The following FRMD4A variants were observed in gnomAD, a reference collection of about 807,000 sequenced individuals.
The protein encoded by FRMD4A is FERM domain containing 4A.
FRMD4A carries 29 observed loss-of-function variants against 129.1 expected under a neutral mutation model. That is an observed-to-expected ratio of 0.22 (90% CI 0.17 to 0.31). The LOEUF (loss-of-function observed/expected upper bound fraction) is 0.31, where lower values mean the gene tolerates loss of function less well. FRMD4A is among the 10% of genes least tolerant of loss of function. The pLI, the probability that FRMD4A is intolerant of heterozygous loss-of-function variation, is 1.00. For synonymous variants in FRMD4A, 634 were observed against 571.6 expected (o/e 1.11, Z -1.56); for missense variants, 1,272 against 1,375.8 (o/e 0.92, Z 1.19).
chr10:14,062,851 A>C (rs1834877875), intron 2 of FRMD4A, among the ~76,000 whole-genome samples: 1 of 152,144 alleles, frequency 6.6e-6, no homozygotes, highest in African/African-American at 2.4e-5. Flanking sequence ...ATGCCATTGC[A>C]CTCCAGTGAA....
In FRMD4A at chr10:13,959,515, T is replaced by TTTC. The variant is rs1220722124; in HGVS notation, c.46-100604_46-100603insGAA. 2.7e-5 allele frequency among the ~76,000 whole-genome samples: 4 copies of TTTC among 147,446 alleles called. 1 individual carries two copies. The highest frequency in any genetic ancestry group is 4.5e-5 in the Non-Finnish European group (3 of 67,220). On this transcript the variant is annotated intron_variant, in intron 2 of 24. Coordinates refer to ENST00000357447, the MANE Select transcript of FRMD4A (RefSeq NM_018027.5). ...AAAAAAAAAAGCTGTGAGTGATTTT[T>TTTC]TTTTTTAGATTTGTAATCATCAGGT...
rs1388723812 is a variant in FRMD4A, at chr10:14,073,811, A to T, written c.46-214899T>A. ...GTTGCCCTGTATAAATTGGGTCACC[A>T]AAAGTTCCTTTTAAATTTTGCATAG... On this transcript the variant is annotated intron_variant, in intron 2 of 24. Coordinates refer to ENST00000357447, the MANE Select transcript of FRMD4A (RefSeq NM_018027.5). 2.0e-5 allele frequency among the ~76,000 whole-genome samples: 3 copies of T among 152,196 alleles called. No individual in the cohort carries two copies. In the East Asian group the frequency reaches 5.8e-4, roughly 29 times the overall value.
chr10:14,213,045 G>A (rs1410362941), intron 2 of FRMD4A, among the ~76,000 whole-genome samples: 2 of 151,996 alleles, frequency 1.3e-5, no homozygotes, highest in Admixed American at 6.6e-5. Flanking sequence ...GAAACCAGCT[G>A]TGGCAACGTA....
Position 13,645,057 on chromosome 10 carries a change from C to T in FRMD4A, c.*1981G>A, listed in dbSNP as rs941042087. On this transcript the variant is annotated 3_prime_UTR_variant, in exon 25 of 25. Transcript: ENST00000357447. ...GAGGAGGCCACGGCCCGCCTTGTCC[C>T]TGCCGGGTCCCGGCCAGGTGTGTGT... 2.0e-5 allele frequency: 3 copies of T among 152,022 alleles called. No individual in the cohort carries two copies. The highest frequency in any genetic ancestry group is 4.4e-5 in the Non-Finnish European group (3 of 68,094). 9.4% of individuals were successfully genotyped at this position (152,022 alleles called of 1,614,324 possible).
intron 2 of FRMD4A, among the ~76,000 whole-genome samples, chr10:13,862,088 G>A (rs1448917515): frequency 1.3e-5 from 2 of 152,120 alleles, no homozygotes; most frequent in Admixed American, 1.3e-4. Flanking sequence ...AGAAAGTTAT[G>A]TTAAATTCTT....
intron 2 of FRMD4A, among the ~76,000 whole-genome samples, chr10:14,180,991 C>T (rs1841894372): frequency 6.6e-6 from 1 of 152,208 alleles, no homozygotes; most frequent in African/African-American, 2.4e-5. Context: ...GTCATCTCGT[C>T]TTTATGATCT....
At chr10:13,938,045 G>C (rs2095262240) in intron 2 of FRMD4A, among the ~76,000 whole-genome samples, 2 of 152,136 alleles carry the variant, frequency 1.3e-5, no homozygotes, top group Admixed American at 1.3e-4. Context: ...TAAAAAGTCT[G>C]AAAAAGGAAT....
intron 2 of FRMD4A, among the ~76,000 whole-genome samples, chr10:14,179,489 C>T (rs369730545): frequency 5.3e-5 from 8 of 152,216 alleles, no homozygotes; most frequent in African/African-American, 1.9e-4. Context: ...CCCCCTTTTT[C>T]TCTCTGCCTC....
At chr10:13,672,286 G>GGTTTTTTC (rs1486629534) in intron 16 of FRMD4A, among the ~76,000 whole-genome samples, 1 of 151,266 alleles carries the variant, frequency 6.6e-6, no homozygotes, top group Non-Finnish European at 1.5e-5. Context: ...TTTCTTCCCT[G>GGTTTTTTC]GTTTTTTCTT....
Position 13,784,449 on chromosome 10 carries a change from C to T in FRMD4A, c.300-1443G>A, listed in dbSNP as rs181194768. Among the ~76,000 whole-genome samples the T allele has an allele frequency of 5.6e-3, 853 of 152,280 alleles. 7 individuals are homozygous for T. The highest frequency in any genetic ancestry group is 0.014 in the Middle Eastern group (4 of 294). ...ATCGTATAAGGTGAACAAACTGATGCCCTTAGCTTCAAGAAGTTCTATTCA... is the reference window on the plus strand; with the variant it reads ...ATCGTATAAGGTGAACAAACTGATGTCCTTAGCTTCAAGAAGTTCTATTCA... On this transcript the variant is annotated intron_variant, in intron 5 of 24. Coordinates refer to ENST00000357447, the MANE Select transcript of FRMD4A (RefSeq NM_018027.5).
intron 15 of FRMD4A, among the ~76,000 whole-genome samples, chr10:13,689,198 C>CGGGGGGGTGGGGG (rs2085398998): frequency 2.9e-5 from 2 of 68,016 alleles, no homozygotes; most frequent in Admixed American, 2.0e-4. Context: ...AAACTCTTTG[C>CGGGGGGGTGGGGG]GGGGGGGGGG....
intron 2 of FRMD4A, among the ~76,000 whole-genome samples, chr10:14,131,793 C>G (rs1726537319): frequency 1.3e-5 from 2 of 152,132 alleles, no homozygotes; most frequent in Non-Finnish European, 2.9e-5. Flanking sequence ...TCCGCTCCCG[C>G]TAGAAGCTGT....
chr10:13,678,868 A>C (rs1343235924), intron 15 of FRMD4A, among the ~76,000 whole-genome samples: 3 of 152,236 alleles, frequency 2.0e-5, no homozygotes, highest in Admixed American at 6.5e-5. Context: ...GATAATTAGC[A>C]TATCCATTAT....
At position 13,817,340 on chromosome 10, in the gene FRMD4A, C is replaced by T. The variant is rs530561867; in HGVS notation, c.112-6432G>A. ...TTCCAGTGGGAACTGTTCACGTTCC[C>T]AGCATATTACAGGGTTCCAGATCAG... is the stretch of plus-strand genomic sequence containing the variant. On this transcript the variant is annotated intron_variant, in intron 3 of 24. Coordinates refer to ENST00000357447, the MANE Select transcript of FRMD4A (RefSeq NM_018027.5). 2.0e-5 allele frequency among the ~76,000 whole-genome samples: 3 copies of T among 152,304 alleles called. No individual in the cohort carries two copies. In the South Asian group the frequency reaches 6.2e-4, roughly 32 times the overall value.
intron 3 of FRMD4A, among the ~76,000 whole-genome samples, chr10:13,836,577 G>T (rs568279851): frequency 3.1e-4 from 47 of 152,206 alleles, no homozygotes; most frequent in East Asian, 1.9e-4. Flanking sequence ...GGTCTTGACA[G>T]AGCCAGTTAT....
chr10:14,155,631 A>G (rs1049216764), intron 2 of FRMD4A, among the ~76,000 whole-genome samples: 27 of 152,198 alleles, frequency 1.8e-4, no homozygotes, highest in Non-Finnish European at 1.0e-4. Flanking sequence ...ATCAGGTTAT[A>G]TGGATTAATG....
intron 2 of FRMD4A, among the ~76,000 whole-genome samples, chr10:14,230,389 GTTCACT>G (rs1485459014): frequency 2.0e-5 from 3 of 152,142 alleles, no homozygotes; most frequent in Non-Finnish European, 4.4e-5. Flanking sequence ...CTATTCTAGG[GTTCACT>G]TTGCCTGTTT....
chr10:13,851,716 A>G (rs2094142271), intron 3 of FRMD4A, among the ~76,000 whole-genome samples: 1 of 151,994 alleles, frequency 6.6e-6, no homozygotes, highest in Admixed American at 6.6e-5. Flanking sequence ...CCTGGCCAAC[A>G]TGGTGAAACC....
At chr10:13,760,919 A>G (rs536098694) in intron 8 of FRMD4A, among the ~76,000 whole-genome samples, 1 of 151,422 alleles carries the variant, frequency 6.6e-6, no homozygotes, top group African/African-American at 2.4e-5. Flanking sequence ...CCCAGGAATA[A>G]CGACTATCTT....
Sources: gnomAD v4.1 joint callset for allele counts (sites outside exome capture counted in the v4.1 genomes callset) on GRCh38, gnomAD v4.1.1 for gene constraint, MANE v1.5 for transcripts, NCBI Gene and HGNC (gene_info 2026-07-23, HGNC 2026-07-21) for gene names.